The following PEX14 variants were observed in gnomAD, a reference collection of about 807,000 sequenced individuals.
The protein encoded by PEX14 is peroxisomal membrane protein PEX14.
A neutral mutation model predicts 49.5 loss-of-function variants in PEX14; 15 were observed. The observed-to-expected ratio is 0.30, with a 90% CI of 0.20 to 0.47. The LOEUF (loss-of-function observed/expected upper bound fraction) is 0.47. PEX14 is among the 20% of genes least tolerant of loss of function. PEX14 has a pLI of 1.00. For synonymous variants in PEX14, 210 were observed against 212.7 expected (o/e 0.99, Z 0.11); for missense variants, 398 against 494.8 (o/e 0.80, Z 1.86).
At chr1:10,619,674 G>A (rs1186425102) in intron 5 of PEX14, among the ~76,000 whole-genome samples, 1 of 152,114 alleles carries the variant, frequency 6.6e-6, no homozygotes, top group South Asian at 2.1e-4. Context: ...GTCACTCTTA[G>A]CACATGAAAC....
chr1:10,581,606 T>A (rs1372327564), intron 3 of PEX14, among the ~76,000 whole-genome samples: 1 of 151,888 alleles, frequency 6.6e-6, no homozygotes, highest in Non-Finnish European at 1.5e-5. Context: ...GCCTGGCTAA[T>A]CCTTGTTATT....
intron 6 of PEX14, 59 bp from the exon 7 acceptor site, chr1:10,624,281 G>A: frequency 2.7e-6 from 3 of 1,098,192 alleles, no homozygotes; most frequent in East Asian, 2.3e-5. Context: ...TGCGGACCGA[G>A]CGAGGGGAAC....
At chr1:10,575,512 CA>C (rs1280319550) in intron 3 of PEX14, among the ~76,000 whole-genome samples, 1 of 152,002 alleles carries the variant, frequency 6.6e-6, no homozygotes, top group African/African-American at 2.4e-5. Context: ...CGATAAAGCC[CA>C]AAAGGCAGAA....
chr1:10,505,854 T>C (rs1417561868), intron 2 of PEX14, among the ~76,000 whole-genome samples: 4 of 151,766 alleles, frequency 2.6e-5, no homozygotes, highest in Admixed American at 6.6e-5. Flanking sequence ...CTAATCTTTG[T>C]ATTTTTAGTA....
At chr1:10,483,937 G>A (rs1454574142) in intron 1 of PEX14, among the ~76,000 whole-genome samples, 1 of 127,914 alleles carries the variant, frequency 7.8e-6, no homozygotes, top group African/African-American at 3.1e-5. Context: ...AATGAATTAT[G>A]TATTCTTTTA....
At chr1:10,523,729 G>A (rs1326238018) in intron 2 of PEX14, among the ~76,000 whole-genome samples, 2 of 151,058 alleles carry the variant, frequency 1.3e-5, no homozygotes, top group African/African-American at 4.9e-5. Context: ...TTGTGGCAGC[G>A]TTTGGCTGTG....
At chr1:10,601,174 A>G (rs1006371202) in intron 4 of PEX14, among the ~76,000 whole-genome samples, 1 of 150,004 alleles carries the variant, frequency 6.7e-6, no homozygotes, top group Non-Finnish European at 1.5e-5. Flanking sequence ...AGGCAGGAGA[A>G]TCGCTTGAAC....
chr1:10,607,918 T>G (rs1427634775), intron 4 of PEX14, among the ~76,000 whole-genome samples: 1 of 152,212 alleles, frequency 6.6e-6, no homozygotes, highest in African/African-American at 2.4e-5. Context: ...TGATTCATGG[T>G]TTTGCATCCT....
At chr1:10,563,125 T>A (rs1252150745) in intron 3 of PEX14, among the ~76,000 whole-genome samples, 1 of 142,180 alleles carries the variant, frequency 7.0e-6, no homozygotes, top group Non-Finnish European at 1.5e-5. Flanking sequence ...ACCATGTTGG[T>A]CAGGCTGGTC....
At chr1:10,575,470 A>G (rs191313910) in intron 3 of PEX14, among the ~76,000 whole-genome samples, 2 of 152,316 alleles carry the variant, frequency 1.3e-5, no homozygotes, top group Non-Finnish European at 2.9e-5. Flanking sequence ...TACATTTATA[A>G]AAAGTTGTTA....
chr1:10,613,076 C>T lies in PEX14; in HGVS notation c.299-5256C>T, dbSNP rs985484837. 6.6e-6 allele frequency among the ~76,000 whole-genome samples: 1 copy of T among 152,194 alleles called. No individual in the cohort carries two copies. Among genetic ancestry groups the T allele is most frequent in the Non-Finnish European group, 1.5e-5 (1 of 68,032 alleles). The stretch of plus-strand genomic sequence containing the variant: ...CGTGACAGCTCTCAGCTCTGTGTTG[C>T]CGATGAACCTTTACTGGATTGCAGG... On this transcript the variant is annotated intron_variant, in intron 4 of 8. Coordinates refer to ENST00000356607, the MANE Select transcript of PEX14 (RefSeq NM_004565.3). This position sits in a 1 kb window ranked among gnomAD's most constrained non-coding sequence, Gnocchi z 5.0.
chr1:10,608,802 C>A (rs1240516654), intron 4 of PEX14, among the ~76,000 whole-genome samples: 4 of 151,740 alleles, frequency 2.6e-5, no homozygotes, highest in African/African-American at 9.7e-5. Context: ...TCCATTTCAA[C>A]TATACAATTC....
At chr1:10,538,783 G>A in intron 3 of PEX14, among the ~76,000 whole-genome samples, 1 of 152,202 alleles carries the variant, frequency 6.6e-6, no homozygotes, top group Non-Finnish European at 1.5e-5. Flanking sequence ...TGGACCAGGA[G>A]GGGCCTGGGT....
At chr1:10,578,802 GAC>G (rs1640226968) in intron 3 of PEX14, among the ~76,000 whole-genome samples, 1 of 152,110 alleles carries the variant, frequency 6.6e-6, no homozygotes, top group African/African-American at 2.4e-5. Flanking sequence ...CTGGGTGAGA[GAC>G]ACAGCAGATT....
intron 1 of PEX14, among the ~76,000 whole-genome samples, chr1:10,490,983 C>G (rs1641460862): frequency 6.6e-6 from 1 of 151,954 alleles, no homozygotes; most frequent in East Asian, 1.9e-4. Flanking sequence ...GTGTGAACCA[C>G]CATGCCCGGC....
At chr1:10,611,990 G>A (rs1160451257) in intron 4 of PEX14, among the ~76,000 whole-genome samples, 5 of 152,122 alleles carry the variant, frequency 3.3e-5, no homozygotes, top group African/African-American at 1.2e-4. Flanking sequence ...TTTAAATTTT[G>A]ATGGTGTCCA....
chr1:10,573,991 ACT>A (rs1211422348), intron 3 of PEX14, among the ~76,000 whole-genome samples: 2 of 152,044 alleles, frequency 1.3e-5, no homozygotes. Context: ...ATTCCCTGCT[ACT>A]CCGGAGGCTG....
chr1:10,497,426 T>C (rs1382442834), intron 2 of PEX14, among the ~76,000 whole-genome samples: 1 of 152,186 alleles, frequency 6.6e-6, no homozygotes, highest in Admixed American at 6.5e-5. Context: ...GTATTTGCTG[T>C]CTCCTGCATG....
In PEX14 at chr1:10,629,886, G is replaced by T; in HGVS notation, c.1033G>T (p.Val345Leu). Residue 345 changes from valine to leucine, a missense_variant, in exon 9 of 9, where the codon GTG (valine) becomes TTG (leucine). By Grantham distance (32) the Val-to-Leu change is conservative. Coordinates refer to ENST00000356607, the MANE Select transcript of PEX14 (RefSeq NM_004565.3). The surrounding 1 kb of genome is among the most constrained non-coding windows in gnomAD (Gnocchi z 8.5). ...TGTGGACGAGGAGGACTGCCTGGGG[G>T]TGCAGAGGGAGGACCGCCGGGGCGG... is the stretch of plus-strand genomic sequence containing the variant. The part of the protein sequence containing the change: ...SHVDEEDCLG[V>L]QREDRRGGDG... The T allele has an allele frequency of 2.5e-6, 4 of 1,612,980 alleles. No homozygotes were observed. The highest frequency in any genetic ancestry group is 2.2e-5 in the East Asian group (1 of 44,836).
Sources: gnomAD v4.1 joint callset for allele counts (sites outside exome capture counted in the v4.1 genomes callset) on GRCh38, gnomAD v4.1.1 for gene constraint, Gnocchi (gnomAD v3.1) non-coding constraint, MANE v1.5 for transcripts, NCBI Gene and HGNC (gene_info 2026-07-23, HGNC 2026-07-21) for gene names.